BBOX1: variants seen among roughly 807,000 people sequenced by gnomAD.
BBOX1 encodes gamma-butyrobetaine dioxygenase.
Under a neutral mutation model 41.6 loss-of-function variants are expected in BBOX1, and 35 were observed. That is an observed-to-expected ratio of 0.84 (90% confidence interval 0.64 to 1.11). BBOX1 has a LOEUF of 1.11. Among genes scored for constraint, BBOX1 ranks in the 50% most tolerant of loss-of-function variants. The probability of loss-of-function intolerance (pLI) is 0.00; values close to 1 mark genes in which losing one functional copy is unlikely to be tolerated. For synonymous variants in BBOX1, 163 were observed against 154.7 expected (o/e 1.05, Z -0.40); for missense variants, 458 against 460.6 (o/e 0.99, Z 0.05).
intron 4 of BBOX1, among the ~76,000 whole-genome samples, chr11:27,062,567 C>CTTT (rs150967140): frequency 8.0e-4 from 119 of 148,586 alleles, no homozygotes; most frequent in African/African-American, 2.6e-3. Flanking sequence ...CTTTCTTTTT[C>CTTT]TTTTTTTTTT....
intron 6 of BBOX1, among the ~76,000 whole-genome samples, chr11:27,117,546 C>G (rs1470272): frequency 0.2 from 30,813 of 151,852 alleles, 3,585 homozygotes; most frequent in Admixed American, 0.29. Context: ...TTAATCAGCT[C>G]AGCTCTTCTT....
At chr11:27,100,401 T>C (rs1204177154) in intron 5 of BBOX1, among the ~76,000 whole-genome samples, 1 of 152,130 alleles carries the variant, frequency 6.6e-6, no homozygotes, top group African/African-American at 2.4e-5. Context: ...CTAGAAATAA[T>C]TCAAACTTGA....
At chr11:27,083,457 G>A (rs1857925818) in intron 4 of BBOX1, among the ~76,000 whole-genome samples, 1 of 151,928 alleles carries the variant, frequency 6.6e-6, no homozygotes. Flanking sequence ...CTTGGTGACT[G>A]AGTTTTTCAA....
At chr11:27,085,185 A>C (rs1857988788) in intron 4 of BBOX1, among the ~76,000 whole-genome samples, 1 of 152,146 alleles carries the variant, frequency 6.6e-6, no homozygotes, top group African/African-American at 2.4e-5. Flanking sequence ...TGCTGGACTT[A>C]ATAAAATGTA....
At chr11:27,058,942 A>G (rs1391153304) in intron 4 of BBOX1, among the ~76,000 whole-genome samples, 1 of 152,256 alleles carries the variant, frequency 6.6e-6, no homozygotes, top group Non-Finnish European at 1.5e-5. Flanking sequence ...GAAGTCAAGC[A>G]GACTGTGGAT....
intron 5 of BBOX1, among the ~76,000 whole-genome samples, chr11:27,112,327 CA>C (rs1185656786): frequency 6.6e-6 from 1 of 151,952 alleles, no homozygotes; most frequent in Non-Finnish European, 1.5e-5. Flanking sequence ...ATAGAAGTCA[CA>C]GTCATAGTTA....
chr11:27,065,232 G>A (rs1298123976), intron 4 of BBOX1, among the ~76,000 whole-genome samples: 1 of 152,150 alleles, frequency 6.6e-6, no homozygotes, highest in African/African-American at 2.4e-5. Context: ...TTCTTGCAAA[G>A]GGACCTATTG....
chr11:27,058,063 A>T (rs200080226), intron 4 of BBOX1, among the ~76,000 whole-genome samples: 1 of 152,216 alleles, frequency 6.6e-6, no homozygotes, highest in East Asian at 1.9e-4. Context: ...GGCTGTTTAC[A>T]ATTCATTCTC....
At chr11:27,098,110 G>A (rs563434599) in intron 5 of BBOX1, among the ~76,000 whole-genome samples, 1 of 151,928 alleles carries the variant, frequency 6.6e-6, no homozygotes, top group South Asian at 2.1e-4. Flanking sequence ...CCTTTATTCT[G>A]ACTACAGACA....
At chr11:27,061,052 T>C (rs1282169315) in intron 4 of BBOX1, among the ~76,000 whole-genome samples, 1 of 152,220 alleles carries the variant, frequency 6.6e-6, no homozygotes, top group Admixed American at 6.5e-5. Context: ...AAAATATTTT[T>C]CCTTAACTCT....
chr11:27,062,203 T>G (rs1357066301), intron 4 of BBOX1, among the ~76,000 whole-genome samples: 1 of 152,190 alleles, frequency 6.6e-6, no homozygotes, highest in African/African-American at 2.4e-5. Context: ...AATAGTAGGA[T>G]AGGTTTGGAA....
At position 27,057,201 on chromosome 11, in the gene BBOX1, G is replaced by T; in HGVS notation, c.220G>T (p.Val74Leu). 2 of 1,592,576 alleles carry T rather than the reference G, an allele frequency of 1.3e-6. No individual in the cohort carries two copies. The highest frequency in any genetic ancestry group is 1.7e-6 in the Non-Finnish European group (2 of 1,172,526). The change falls in exon 4 of 9, where the codon GTG becomes TTG. Residue 74 changes from valine to leucine, a missense_variant and splice_region_variant. By Grantham distance (32) the Val-to-Leu change is conservative. Coordinates refer to ENST00000263182, the MANE Select transcript of BBOX1 (RefSeq NM_003986.3). The stretch of plus-strand genomic sequence containing the variant: ...TGAAATTTGCTTTTTGTGTTATAAG[G>T]TGTACATCACATGGCCCGATGAGCA... ...IKGLIFDRKK[V>L]YITWPDEHYS...
intron 4 of BBOX1, chr11:27,062,958 C>G (rs6484263): frequency 1 from 152,400 of 152,486 alleles, 76,157 homozygotes; most frequent in Non-Finnish European, 1. Context: ...GAAGTAATCA[C>G]ATCTGTGTTG....
chr11:27,073,441 G>A (rs1428997874), intron 4 of BBOX1, among the ~76,000 whole-genome samples: 1 of 150,800 alleles, frequency 6.6e-6, no homozygotes, highest in African/African-American at 2.5e-5. Flanking sequence ...TAGAGAAACA[G>A]GAACACTTTT....
chr11:27,053,431 T>A (rs1348946025), intron 2 of BBOX1, among the ~76,000 whole-genome samples: 3 of 152,208 alleles, frequency 2.0e-5, no homozygotes, highest in Non-Finnish European at 4.4e-5. Context: ...TCTTATAGGG[T>A]TTTAAAAAAT....
intron 5 of BBOX1, among the ~76,000 whole-genome samples, chr11:27,111,418 A>G (rs548843648): frequency 6.6e-6 from 1 of 152,118 alleles, no homozygotes; most frequent in South Asian, 2.1e-4. Context: ...TGGGGATGGG[A>G]TCAATCTTAC....
intron 4 of BBOX1, among the ~76,000 whole-genome samples, chr11:27,085,304 G>A (rs1281485510): frequency 6.6e-6 from 1 of 152,098 alleles, no homozygotes; most frequent in East Asian, 1.9e-4. Flanking sequence ...GTAGCAACAC[G>A]CAAGCAAGTC....
At chr11:27,113,599 A>T (rs1003570382) in intron 5 of BBOX1, among the ~76,000 whole-genome samples, 27 of 151,858 alleles carry the variant, frequency 1.8e-4, no homozygotes, top group African/African-American at 6.3e-4. Context: ...TGAGAGCTAA[A>T]CATTGAGTAC....
intron 4 of BBOX1, among the ~76,000 whole-genome samples, chr11:27,079,341 G>A (rs1857752174): frequency 6.6e-6 from 1 of 152,142 alleles, no homozygotes; most frequent in African/African-American, 2.4e-5. Flanking sequence ...AAGCTGGAAT[G>A]ACCAGAAAAC....
Sources: gnomAD v4.1 joint callset for allele counts (sites outside exome capture counted in the v4.1 genomes callset) on GRCh38, gnomAD v4.1.1 for gene constraint, MANE v1.5 for transcripts, NCBI Gene and HGNC (gene_info 2026-07-23, HGNC 2026-07-21) for gene names.